SPECC1: variants seen among roughly 807,000 people sequenced by gnomAD.
The protein encoded by SPECC1 is cytospin-B.
A neutral mutation model predicts 104.1 loss-of-function variants in SPECC1; 62 were observed. The observed-to-expected ratio is 0.60, with a 90% CI of 0.49 to 0.74. The LOEUF is 0.74. Ranked by LOEUF, SPECC1 falls within the 30% of genes least tolerant of loss-of-function variation. The pLI is 0.00. For missense variants in SPECC1, 1,306 were observed against 1,310.5 expected (o/e 1.00, Z 0.05); for synonymous variants, 513 against 501.6 (o/e 1.02, Z -0.30).
rs760376069 is a variant in SPECC1 at position 20,110,512 on chromosome 17, C to A, written c.233C>A (p.Thr78Asn). The change falls in exon 3 of 15, where the codon ACT becomes AAT. Residue 78 changes from threonine to asparagine, a missense_variant. Thr to Asn is a moderately conservative substitution (Grantham distance 65, BLOSUM62 0). This residue lies in a region of SPECC1 where 1,177 missense variants were observed against 1,139.9 expected (regional missense o/e 1.03). Transcript: ENST00000395527. Reference protein sequence around the residue: ...SGVVRLKKTATAGAISELTES... With the variant: ...SGVVRLKKTANAGAISELTES... ...GTGGTTCGCCTGAAGAAGACCGCCA[C>A]TGCCGGAGCCATCTCGGAGCTCACG... The A allele has an allele frequency of 1.1e-5, 17 of 1,614,042 alleles. No individual in the cohort carries two copies. The South Asian group carries it at 1.9e-4, about 18-fold the overall frequency.
At chr17:20,182,868 A>G (rs755175159) in intron 3 of SPECC1, among the ~76,000 whole-genome samples, 1 of 152,212 alleles carries the variant, frequency 6.6e-6, no homozygotes, top group East Asian at 1.9e-4. Flanking sequence ...CCATCTGGCC[A>G]CACCCAGCTG....
At chr17:20,255,351 C>T (rs2039786821) in intron 10 of SPECC1, among the ~76,000 whole-genome samples, 1 of 152,166 alleles carries the variant, frequency 6.6e-6, no homozygotes, top group African/African-American at 2.4e-5. Context: ...CTTGGCTCAC[C>T]ATCTCCGTGC....
At chr17:20,025,521 C>T (rs1006170098) in intron 1 of SPECC1, among the ~76,000 whole-genome samples, 4 of 152,150 alleles carry the variant, frequency 2.6e-5, no homozygotes, top group Non-Finnish European at 5.9e-5. Context: ...CGAGATTCAT[C>T]CTTGTAGCAT....
intron 1 of SPECC1, among the ~76,000 whole-genome samples, chr17:20,078,203 G>A (rs563687670): frequency 1.3e-5 from 2 of 150,750 alleles, no homozygotes; most frequent in Non-Finnish European, 3.0e-5. Context: ...TAGCCACAGA[G>A]GGAAAGAATG....
chr17:20,194,696 G>A (rs2035912534), intron 3 of SPECC1, among the ~76,000 whole-genome samples: 1 of 151,340 alleles, frequency 6.6e-6, no homozygotes, highest in Non-Finnish European at 1.5e-5. Flanking sequence ...AGTAGAGATG[G>A]GGTTTCACCA....
rs540906837 is a variant in SPECC1 at position 20,203,633 on chromosome 17, T to G, written c.284-700T>G. ...AGTATTATCTGTATCTTCTGATTTC[T>G]TAATCAAATTTATGCTGTCAAAATA... is the stretch of plus-strand genomic sequence containing the variant. On this transcript the variant is annotated intron_variant, in intron 3 of 14. Transcript: ENST00000395527. 1.3e-4 allele frequency among the ~76,000 whole-genome samples: 20 copies of G among 152,396 alleles called. No homozygotes were observed. The South Asian group carries it at 3.9e-3, about 30-fold the overall frequency.
intron 2 of SPECC1, 139 bp from the exon 3 acceptor site, chr17:20,110,288 C>T: frequency 9.6e-7 from 1 of 1,044,660 alleles, no homozygotes; most frequent in Non-Finnish European, 1.4e-6. Context: ...TTTCACTTCA[C>T]TCTATCATGC....
intron 3 of SPECC1, among the ~76,000 whole-genome samples, chr17:20,142,973 C>G (rs1251389739): frequency 6.6e-6 from 1 of 151,656 alleles, no homozygotes; most frequent in Non-Finnish European, 1.5e-5. Flanking sequence ...GTACTCTAGC[C>G]TTGGTTGACA....
chr17:20,299,242 G>A (rs749116266), intron 13 of SPECC1, among the ~76,000 whole-genome samples: 13 of 152,036 alleles, frequency 8.6e-5, no homozygotes, highest in East Asian at 1.9e-4. Context: ...TTGCTTTGCC[G>A]AAAGTCTCCT....
chr17:20,073,934 A>G (rs1597652369), intron 1 of SPECC1, among the ~76,000 whole-genome samples: 1 of 152,220 alleles, frequency 6.6e-6, no homozygotes, highest in Non-Finnish European at 1.5e-5. Flanking sequence ...GTGTTGAAAG[A>G]AAATGATCTT....
rs2142294012 is a variant in SPECC1 at position 20,317,623 on chromosome 17, G to A, written c.*3558G>A. 1 of 194,528 alleles carries A rather than the reference G, an allele frequency of 5.1e-6. No homozygotes were observed. Among genetic ancestry groups the A allele is most frequent in the South Asian group, 1.9e-4 (1 of 5,182 alleles). 12.1% of individuals were successfully genotyped at this position (194,528 alleles called of 1,614,324 possible). A position where few individuals can be genotyped will look rare whatever the true frequency, so the allele number is the denominator to read the frequency against. On this transcript the variant is annotated 3_prime_UTR_variant, in exon 15 of 15. Transcript: ENST00000395527. Reference sequence around the variant, plus strand: ...CACCTGTAATCTCAGCTGCTTGGGAGGCTGAGGTGGGAGCATCACTTGAGC... The same window carrying A: ...CACCTGTAATCTCAGCTGCTTGGGAAGCTGAGGTGGGAGCATCACTTGAGC...
At chr17:20,310,569 A>G (rs1567626140) in intron 14 of SPECC1, among the ~76,000 whole-genome samples, 1 of 152,228 alleles carries the variant, frequency 6.6e-6, no homozygotes, top group Middle Eastern at 3.2e-3. Context: ...CAGAAAAGGA[A>G]TTAGGCGAGG....
chr17:20,059,478 G>A (rs1477661059), intron 1 of SPECC1, among the ~76,000 whole-genome samples: 2 of 152,286 alleles, frequency 1.3e-5, no homozygotes, highest in South Asian at 4.1e-4. Context: ...AACAGGCTAT[G>A]AACTGGGGGT....
chr17:20,097,274 A>G (rs996858669), intron 2 of SPECC1, among the ~76,000 whole-genome samples: 1 of 152,128 alleles, frequency 6.6e-6, no homozygotes, highest in Non-Finnish European at 1.5e-5. Flanking sequence ...GGGTGGGCCC[A>G]TGCCACATTC....
chr17:20,024,685 T>C (rs1484545382), intron 1 of SPECC1, among the ~76,000 whole-genome samples: 3 of 152,138 alleles, frequency 2.0e-5, no homozygotes, highest in Non-Finnish European at 4.4e-5. Context: ...TCAGGGTTTT[T>C]CCCCCTTGTT....
chr17:20,214,158 C>G (rs948319229), intron 4 of SPECC1, among the ~76,000 whole-genome samples: 1 of 152,228 alleles, frequency 6.6e-6, no homozygotes, highest in African/African-American at 2.4e-5. Context: ...TCAAGCAGCC[C>G]TCCCACTTTA....
intron 12 of SPECC1, among the ~76,000 whole-genome samples, chr17:20,279,239 AT>A (rs888402005): frequency 2.0e-5 from 3 of 151,746 alleles, no homozygotes; most frequent in Admixed American, 6.6e-5. Flanking sequence ...CAAGACACTT[AT>A]GATTTCACAG....
chr17:20,035,441 T>TA (rs1427237632), intron 1 of SPECC1, among the ~76,000 whole-genome samples: 55 of 152,204 alleles, frequency 3.6e-4, no homozygotes, highest in Non-Finnish European at 6.8e-4. Context: ...GCTATTTAAG[T>TA]CTTCTTTGAT....
In SPECC1 at chr17:20,053,260, T is replaced by G. The variant is rs186688817; in HGVS notation, c.-21-43371T>G. On this transcript the variant is annotated intron_variant, in intron 1 of 14. Coordinates refer to ENST00000395527, the MANE Select transcript of SPECC1 (RefSeq NM_001243439.2). ...TGACTCCACTTCTTTTACCTTTCAA[T>G]TCCTCCTTAATTCTGTGATCTTCCT... Among the ~76,000 whole-genome samples the G allele has an allele frequency of 2.6e-5, 4 of 152,332 alleles. No individual in the cohort carries two copies. In the East Asian group the frequency reaches 7.7e-4, roughly 29 times the overall value.
Sources: gnomAD v4.1 joint callset for allele counts (sites outside exome capture counted in the v4.1 genomes callset) on GRCh38, gnomAD v4.1.1 for gene constraint, gnomAD v4.1.1 regional missense constraint, MANE v1.5 for transcripts, NCBI Gene and HGNC (gene_info 2026-07-23, HGNC 2026-07-21) for gene names.